Variants in STRN3 observed in about 807,000 individuals in gnomAD.
STRN3 encodes the protein striatin-3.
In STRN3, 29 loss-of-function variants were observed where a neutral mutation model predicts 95.6. That is an observed-to-expected ratio of 0.30 (90% confidence interval 0.23 to 0.41). STRN3 has a LOEUF of 0.41. STRN3 is among the 10% of genes least tolerant of loss of function. STRN3 has a pLI of 1.00. For missense variants in STRN3, 890 were observed against 972.1 expected (o/e 0.92, Z 1.12); for synonymous variants, 331 against 357.6 (o/e 0.93, Z 0.84).
At chr14:30,982,802 G>A (rs1261057481) in intron 1 of STRN3, among the ~76,000 whole-genome samples, 1 of 151,988 alleles carries the variant, frequency 6.6e-6, no homozygotes, top group Non-Finnish European at 1.5e-5. Flanking sequence ...GTCTCGTTAT[G>A]TTGCCCAGAT....
chr14:30,898,729 T>C lies in STRN3; in HGVS notation c.2138-2981A>G, dbSNP rs188300785. On this transcript the variant is annotated intron_variant, in intron 16 of 17. Transcript: ENST00000357479. Reference sequence around the variant, plus strand: ...TTTCATTTTGGCCTCGTGCTTCTGCTAATACTCTACCAAAACTAATCCTAA... The same window carrying C: ...TTTCATTTTGGCCTCGTGCTTCTGCCAATACTCTACCAAAACTAATCCTAA... Among the ~76,000 whole-genome samples, 171 of 152,324 alleles carry C rather than the reference T, an allele frequency of 1.1e-3. 1 individual carries two copies. The highest frequency in any genetic ancestry group is 2.3e-3 in the African/African-American group (97 of 41,574).
intron 7 of STRN3, among the ~76,000 whole-genome samples, chr14:30,934,702 TCTTTCTAATTA>T (rs767385176): frequency 3.9e-5 from 6 of 152,150 alleles, no homozygotes; most frequent in Non-Finnish European, 7.4e-5. Context: ...GTAGCTTTAT[TCTTTCTAATTA>T]CTTTCTAATT....
At chr14:31,002,759 C>T (rs1376915716) in intron 1 of STRN3, among the ~76,000 whole-genome samples, 1 of 151,986 alleles carries the variant, frequency 6.6e-6, no homozygotes, top group Admixed American at 6.6e-5. Flanking sequence ...ATGTATGAGT[C>T]CACTTATGTA....
At chr14:30,924,224 AAC>A (rs1213213252) in intron 8 of STRN3, among the ~76,000 whole-genome samples, 1 of 46,260 alleles carries the variant, frequency 2.2e-5, no homozygotes, top group Non-Finnish European at 4.0e-5. Flanking sequence ...AAAAAAAAAA[AAC>A]AAAAAAACAA....
At chr14:30,937,290 G>A (rs965983773) in intron 5 of STRN3, among the ~76,000 whole-genome samples, 1 of 152,136 alleles carries the variant, frequency 6.6e-6, no homozygotes, top group Non-Finnish European at 1.5e-5. Context: ...TCCAGCCTGG[G>A]TGACAGAGCA....
intron 1 of STRN3, among the ~76,000 whole-genome samples, chr14:30,985,859 T>A (rs1261431075): frequency 6.6e-6 from 1 of 152,204 alleles, no homozygotes; most frequent in Non-Finnish European, 1.5e-5. Context: ...TTTCCATTTT[T>A]TTCTGTCCAA....
At chr14:31,009,476 C>T (rs1420219123) in intron 1 of STRN3, among the ~76,000 whole-genome samples, 1 of 152,096 alleles carries the variant, frequency 6.6e-6, no homozygotes, top group Non-Finnish European at 1.5e-5. Flanking sequence ...CAAAACTACC[C>T]CCCCGCCCCC....
In STRN3 at chr14:31,015,101, C is replaced by T. The variant is rs183149037; in HGVS notation, c.282+10803G>A. Reference sequence around the variant, plus strand: ...GCCTTGGCCTCCCAAAGTGCTGGGACTACAAGCGTGAGCGCCACCGCGTCC... The same window carrying T: ...GCCTTGGCCTCCCAAAGTGCTGGGATTACAAGCGTGAGCGCCACCGCGTCC... On this transcript the variant is annotated intron_variant, in intron 1 of 17. Coordinates refer to ENST00000357479, the MANE Select transcript of STRN3 (RefSeq NM_001083893.2). Among the ~76,000 whole-genome samples the T allele has an allele frequency of 1.9e-3, 285 of 151,654 alleles. 2 individuals are homozygous for T. Among genetic ancestry groups the T allele is most frequent in the African/African-American group, 6.3e-3 (262 of 41,362 alleles).
At chr14:30,943,306 G>C (rs1879181775) in intron 5 of STRN3, among the ~76,000 whole-genome samples, 1 of 152,174 alleles carries the variant, frequency 6.6e-6, no homozygotes, top group Non-Finnish European at 1.5e-5. Flanking sequence ...TTTCCGGCCA[G>C]GCGCAGTGGC....
At chr14:30,902,474 A>C in intron 16 of STRN3, 62 bp downstream of exon 16, 1 of 1,144,908 alleles carries the variant, frequency 8.7e-7, no homozygotes, top group Non-Finnish European at 1.3e-6. Flanking sequence ...TACATAAAAC[A>C]GCATTTTTGA....
At chr14:30,926,748 G>A (rs1193615686) in intron 8 of STRN3, among the ~76,000 whole-genome samples, 2 of 151,938 alleles carry the variant, frequency 1.3e-5, no homozygotes, top group African/African-American at 4.8e-5. Flanking sequence ...AAAGTGGAAT[G>A]GGCTGAATAA....
At position 30,894,110 on chromosome 14, in the gene STRN3, G is replaced by A. The variant is rs1362613740; in HGVS notation, c.*1301C>T. On this transcript the variant is annotated 3_prime_UTR_variant, in exon 18 of 18. Transcript: ENST00000357479. ...ATGCATTACACAAACAAAATCTTTA[G>A]TTACACCATAAAATTAAGCACATCT... The A allele has an allele frequency of 6.6e-6, 1 of 152,444 alleles. No individual in the cohort carries two copies. Among genetic ancestry groups the A allele is most frequent in the African/African-American group, 2.4e-5 (1 of 41,386 alleles). 9.4% of individuals were successfully genotyped at this position (152,444 alleles called of 1,614,324 possible). A position where few individuals can be genotyped will look rare whatever the true frequency, so the allele number is the denominator to read the frequency against.
intron 15 of STRN3, among the ~76,000 whole-genome samples, chr14:30,903,625 C>T (rs1275362194): frequency 6.6e-6 from 1 of 152,214 alleles, no homozygotes; most frequent in Admixed American, 6.5e-5. Flanking sequence ...GTCTCTACTC[C>T]TAGCCTCAAG....
intron 16 of STRN3, among the ~76,000 whole-genome samples, chr14:30,900,264 C>T (rs896602240): frequency 6.7e-5 from 10 of 148,304 alleles, no homozygotes; most frequent in African/African-American, 2.2e-4. Context: ...GAGGGTGAGC[C>T]GGGAGAATCA....
chr14:31,008,441 G>A (rs1472328296), intron 1 of STRN3, among the ~76,000 whole-genome samples: 3 of 151,682 alleles, frequency 2.0e-5, no homozygotes, highest in Admixed American at 6.6e-5. Flanking sequence ...CCAGGAGGTC[G>A]AGACTGCAGT....
intron 8 of STRN3, among the ~76,000 whole-genome samples, chr14:30,927,317 T>G (rs1184298962): frequency 1.3e-5 from 2 of 152,074 alleles, no homozygotes; most frequent in South Asian, 4.1e-4. Context: ...AAATTTTGTT[T>G]AATTTTTTAG....
At chr14:30,937,416 G>GA (rs1464799485) in intron 5 of STRN3, among the ~76,000 whole-genome samples, 1 of 152,076 alleles carries the variant, frequency 6.6e-6, no homozygotes, top group Non-Finnish European at 1.5e-5. Context: ...GTCTTAGCTA[G>GA]AAAAAATAAC....
rs545478389 is a variant in STRN3, at chr14:30,990,942, T to C, written c.283-34700A>G. Among the ~76,000 whole-genome samples the C allele has an allele frequency of 3.3e-5, 5 of 152,286 alleles. No homozygotes were observed. In the East Asian group the frequency reaches 7.7e-4, roughly 24 times the overall value. On this transcript the variant is annotated intron_variant, in intron 1 of 17. Transcript: ENST00000357479. ...TGAATATTTATGATTCACAGCTGGT[T>C]GAACTCAAGGATGTGGAACCCACAG...
intron 7 of STRN3, among the ~76,000 whole-genome samples, chr14:30,929,518 C>G (rs1878373463): frequency 6.6e-6 from 1 of 152,104 alleles, no homozygotes; most frequent in Non-Finnish European, 1.5e-5. Flanking sequence ...TTAATATCAA[C>G]AGTTAAATGG....
Sources: gnomAD v4.1 joint callset for allele counts (sites outside exome capture counted in the v4.1 genomes callset) on GRCh38, gnomAD v4.1.1 for gene constraint, MANE v1.5 for transcripts, NCBI Gene and HGNC (gene_info 2026-07-23, HGNC 2026-07-21) for gene names.